Variants in ELAVL4 observed in about 807,000 individuals in gnomAD.
The protein encoded by ELAVL4 is ELAV-like protein 4.
ELAVL4 carries 1 observed loss-of-function variant against 35.6 expected under a neutral mutation model. The ratio of observed to expected loss-of-function variants is 0.03; its 90% confidence interval spans 0.01 to 0.13. The LOEUF (loss-of-function observed/expected upper bound fraction) is 0.13, where lower values mean the gene tolerates loss of function less well. Ranked by LOEUF, ELAVL4 falls within the 10% of genes least tolerant of loss-of-function variation. The pLI is 1.00. For synonymous variants in ELAVL4, 156 were observed against 171.0 expected, an observed-to-expected ratio of 0.91 and a Z score of 0.69; for missense variants, 267 against 464.9, an observed-to-expected ratio of 0.57 and a Z score of 3.91.
At position 50,201,719 on chromosome 1, in the gene ELAVL4, A is replaced by G. The variant is rs912165553; in HGVS notation, c.*541A>G. 6.6e-6 allele frequency: 1 copy of G among 152,072 alleles called. No homozygotes were observed. The highest frequency in any genetic ancestry group is 1.5e-5 in the Non-Finnish European group (1 of 68,002). The allele number at this position is 152,072 out of a possible 1,614,324, so 9.4% of individuals were successfully genotyped here. A position where few individuals can be genotyped will look rare whatever the true frequency, so the allele number is the denominator to read the frequency against. ...CACAAATTAAAGAGGAATAATAAAA[A>G]TTGCAAAAATAAAAAAAAACTTTTG... On this transcript the variant is annotated 3_prime_UTR_variant, in exon 7 of 7. Coordinates refer to ENST00000371824, the MANE Select transcript of ELAVL4 (RefSeq NM_001144774.3). The surrounding 1 kb of genome is among the most constrained non-coding windows in gnomAD (Gnocchi z 4.3).
intron 1 of ELAVL4, among the ~76,000 whole-genome samples, chr1:50,119,953 C>T (rs1668744151): frequency 6.6e-6 from 1 of 151,710 alleles, no homozygotes; most frequent in South Asian, 2.1e-4. Flanking sequence ...GAAGTCTTCG[C>T]TCCAGAGTGT....
intron 2 of ELAVL4, among the ~76,000 whole-genome samples, chr1:50,158,407 G>T (rs998052809): frequency 6.6e-6 from 1 of 151,694 alleles, no homozygotes; most frequent in Non-Finnish European, 1.5e-5. Context: ...TAGATACTCT[G>T]TTTGTGTGTG....
intron 3 of ELAVL4, among the ~76,000 whole-genome samples, chr1:50,178,964 CT>C (rs34330798): frequency 5.2e-4 from 76 of 147,298 alleles, no homozygotes; most frequent in Admixed American, 4.7e-4. Context: ...TTCCATTTTG[CT>C]TTTTTTTTTT....
At chr1:50,124,579 C>T (rs548004727) in intron 1 of ELAVL4, among the ~76,000 whole-genome samples, 1 of 152,008 alleles carries the variant, frequency 6.6e-6, no homozygotes, top group African/African-American at 2.4e-5. Context: ...CTTACTCATC[C>T]CTTAAAAGGT....
chr1:50,121,100 T>C (rs1262858662), intron 1 of ELAVL4, among the ~76,000 whole-genome samples: 1 of 152,036 alleles, frequency 6.6e-6, no homozygotes, highest in Non-Finnish European at 1.5e-5. Flanking sequence ...TGTCATAATA[T>C]GGCTTTTGTT....
chr1:50,136,455 A>G (rs1023945787), intron 1 of ELAVL4, among the ~76,000 whole-genome samples: 1 of 152,156 alleles, frequency 6.6e-6, no homozygotes, highest in Non-Finnish European at 1.5e-5. Context: ...TTAATGGTTC[A>G]ATTCAGTGAC....
At chr1:50,189,249 C>T (rs566579465) in intron 3 of ELAVL4, among the ~76,000 whole-genome samples, 1 of 152,324 alleles carries the variant, frequency 6.6e-6, no homozygotes, top group African/African-American at 2.4e-5. Context: ...AGGGAACATT[C>T]TTCCTCAGGT....
intron 2 of ELAVL4, among the ~76,000 whole-genome samples, chr1:50,167,654 C>T (rs1678182300): frequency 6.6e-6 from 1 of 152,174 alleles, no homozygotes; most frequent in Non-Finnish European, 1.5e-5. Flanking sequence ...GTTGCTGAGC[C>T]TATGCATAAC....
intron 2 of ELAVL4, among the ~76,000 whole-genome samples, chr1:50,147,078 C>G (rs1673855594): frequency 6.6e-6 from 1 of 152,006 alleles, no homozygotes. Context: ...AGCACCCTCT[C>G]CAGCACAAGC....
At chr1:50,092,897 A>G (rs1407364632) in intron 1 of ELAVL4, among the ~76,000 whole-genome samples, 3 of 152,312 alleles carry the variant, frequency 2.0e-5, no homozygotes, top group Non-Finnish European at 4.4e-5. Flanking sequence ...AGTAATCACA[A>G]TTCAATAAGG....
At chr1:50,067,138 G>T (rs1390720821) in intron 1 of ELAVL4, among the ~76,000 whole-genome samples, 1 of 152,120 alleles carries the variant, frequency 6.6e-6, no homozygotes, top group African/African-American at 2.4e-5. Context: ...GTTTGCAAAA[G>T]CCCTATCAAG....
chr1:50,072,284 A>G (rs1488794402), intron 1 of ELAVL4, among the ~76,000 whole-genome samples: 1 of 152,200 alleles, frequency 6.6e-6, no homozygotes, highest in Non-Finnish European at 1.5e-5. Context: ...TTCTCTATCA[A>G]ATTCCTGTCC....
At position 50,153,953 on chromosome 1, in the gene ELAVL4, C is replaced by T. The variant is rs147210917; in HGVS notation, c.250+8756C>T. Among the ~76,000 whole-genome samples the T allele has an allele frequency of 1.3e-3, 194 of 152,334 alleles. 1 individual carries two copies. Among genetic ancestry groups the T allele is most frequent in the Non-Finnish European group, 2.2e-3 (149 of 68,028 alleles). ...TCACTAGAACCCAACCATGCTAGCA[C>T]CCTGATCTTGGATTTCCAGACTCCA... On this transcript the variant is annotated intron_variant, in intron 2 of 6. Transcript: ENST00000371824.
At chr1:50,071,848 A>C (rs540499097) in intron 1 of ELAVL4, among the ~76,000 whole-genome samples, 1 of 152,286 alleles carries the variant, frequency 6.6e-6, no homozygotes, top group South Asian at 2.1e-4. Context: ...TCCCTACCAC[A>C]TAAGGGTGTT....
At chr1:50,144,794 G>A (rs779593609) in intron 1 of ELAVL4, 163 bp from the exon 2 acceptor site, 3 of 1,087,410 alleles carry the variant, frequency 2.8e-6, no homozygotes, top group Admixed American at 1.7e-5. Flanking sequence ...TAACATTTTG[G>A]TTAAAAACAT....
intron 1 of ELAVL4, among the ~76,000 whole-genome samples, chr1:50,048,952 A>G (rs375123925): frequency 6.6e-6 from 1 of 152,314 alleles, no homozygotes; most frequent in East Asian, 1.9e-4. Flanking sequence ...TTGAACCTGC[A>G]GGAGACTCAT....
chr1:50,160,770 T>G (rs1557806712), intron 2 of ELAVL4, among the ~76,000 whole-genome samples: 2 of 152,372 alleles, frequency 1.3e-5, no homozygotes, highest in East Asian at 3.9e-4. Flanking sequence ...TAAGGCAGTT[T>G]TAATGGATTT....
intron 3 of ELAVL4, chr1:50,180,395 G>A (rs1680834642): frequency 6.6e-6 from 1 of 152,122 alleles, no homozygotes; most frequent in African/African-American, 2.4e-5. Flanking sequence ...TCTAAAATTT[G>A]TGGTCCCATT....
Position 50,133,603 on chromosome 1 carries a change from G to GAAAGAAAGAAAGAA in ELAVL4, c.10-11352_10-11339dup, listed in dbSNP as rs1557754662. Among the ~76,000 whole-genome samples, 9 of 86,170 alleles carry GAAAGAAAGAAAGAA rather than the reference G, an allele frequency of 1.0e-4. No individual in the cohort carries two copies. In the Admixed American group the frequency reaches 1.1e-3, roughly 10 times the overall value. The allele number at this position is 86,170 out of a possible 152,430, so 56.5% of individuals were successfully genotyped here. A position where few individuals can be genotyped will look rare whatever the true frequency, so the allele number is the denominator to read the frequency against. On this transcript the variant is annotated intron_variant, in intron 1 of 6. Transcript: ENST00000371824. ...GAGAGAAAGAAAGAAAGAAAGAAAA[G>GAAAGAAAGAAAGAA]AAAGAAAGAAAGAAAGAAAGAAAGA...
Sources: gnomAD v4.1 joint callset for allele counts (sites outside exome capture counted in the v4.1 genomes callset) on GRCh38, gnomAD v4.1.1 for gene constraint, Gnocchi (gnomAD v3.1) non-coding constraint, MANE v1.5 for transcripts, NCBI Gene and HGNC (gene_info 2026-07-23, HGNC 2026-07-21) for gene names.